TG: variants seen among roughly 807,000 people sequenced by gnomAD.
The protein encoded by TG is thyroglobulin.
TG carries 270 observed loss-of-function variants against 324.7 expected under a neutral mutation model. The ratio of observed to expected loss-of-function variants is 0.83; its 90% confidence interval spans 0.75 to 0.92. The LOEUF is 0.92. Ranked by LOEUF, TG falls within the 40% of genes least tolerant of loss-of-function variation. The pLI is 0.00. For missense variants in TG, 3,591 were observed against 3,456.4 expected (o/e 1.04, Z -0.98); for synonymous variants, 1,401 against 1,327.0 (o/e 1.06, Z -1.21).
At position 132,964,670 on chromosome 8, in the gene TG, C is replaced by T. The variant is rs185541203; in HGVS notation, c.5548+1596C>T. On this transcript the variant is annotated intron_variant, in intron 29 of 47. Transcript: ENST00000220616. ...GGAAATGGCTTAATCTAATACGGCA[C>T]GTAAACCAGGTATAAGATGAAGTGG... The T allele has an allele frequency of 2.0e-3, 1,083 of 550,152 alleles. 4 individuals are homozygous for T. Among genetic ancestry groups the T allele is most frequent in the Admixed American group, 3.8e-3 (117 of 31,178 alleles). 34.1% of individuals were successfully genotyped at this position (550,152 alleles called of 1,614,324 possible).
chr8:133,048,953 A>G, intron 41 of TG: 1 of 327,474 alleles, frequency 3.1e-6, no homozygotes, highest in South Asian at 2.4e-5. Flanking sequence ...TGAAGAAGTA[A>G]CTTAGTGTTT....
rs548331780 is a variant in TG, at chr8:132,982,930, A to G, written c.6200-420A>G. On this transcript the variant is annotated intron_variant, in intron 34 of 47. Coordinates refer to ENST00000220616, the MANE Select transcript of TG (RefSeq NM_003235.5). The stretch of plus-strand genomic sequence containing the variant: ...TGATCTCATAACCTAACTTTGGTCA[A>G]TGTCATGAGAAAAGAAATGATGTGT... Among the ~76,000 whole-genome samples, 8 of 152,280 alleles carry G rather than the reference A, an allele frequency of 5.3e-5. No homozygotes were observed. The South Asian group carries it at 1.7e-3, about 32-fold the overall frequency.
chr8:132,978,697 G>C (rs1020019193), intron 34 of TG, among the ~76,000 whole-genome samples: 1 of 152,164 alleles, frequency 6.6e-6, no homozygotes, highest in Admixed American at 6.5e-5. Flanking sequence ...GGGAAGTGGG[G>C]TGAAGGAGCA....
At chr8:132,909,129 G>A (rs184813373) in intron 18 of TG, among the ~76,000 whole-genome samples, 1 of 152,290 alleles carries the variant, frequency 6.6e-6, no homozygotes, top group African/African-American at 2.4e-5. Flanking sequence ...GAAAGTGACA[G>A]GATGATGGGA....
Position 132,919,388 on chromosome 8 carries a change from A to C in TG, c.4391A>C (p.Glu1464Ala). 6.2e-7 allele frequency: 1 copy of C among 1,613,974 alleles called. No individual in the cohort carries two copies. The highest frequency in any genetic ancestry group is 8.5e-7 in the Non-Finnish European group (1 of 1,179,990). ...QDGLGCVKCP[E>A]GSYSQDEECI... is the part of the protein sequence containing the mutation. ...TGTTTTTTTCTAGTTAAGTGTCCTGAAGGAAGCTATTCCCAAGATGAGGAA... is the reference window on the plus strand; with the variant it reads ...TGTTTTTTTCTAGTTAAGTGTCCTGCAGGAAGCTATTCCCAAGATGAGGAA... Residue 1464 changes from glutamate (E) to alanine (A), a missense_variant, in exon 21 of 48, where the codon GAA becomes GCA. Glu to Ala is a moderately radical substitution (Grantham distance 107). Coordinates refer to ENST00000220616, the MANE Select transcript of TG (RefSeq NM_003235.5).
intron 35 of TG, among the ~76,000 whole-genome samples, chr8:133,010,673 C>T (rs1212269460): frequency 6.6e-6 from 1 of 152,192 alleles, no homozygotes; most frequent in Non-Finnish European, 1.5e-5. Context: ...TTGACCTAGA[C>T]TCACAGTCCT....
At chr8:133,090,992 T>C (rs1847418876) in intron 41 of TG, among the ~76,000 whole-genome samples, 1 of 152,178 alleles carries the variant, frequency 6.6e-6, no homozygotes, top group African/African-American at 2.4e-5. Flanking sequence ...CCCCCAGCTC[T>C]GAGACTCTAG....
chr8:133,031,758 C>T (rs903922709), intron 41 of TG, among the ~76,000 whole-genome samples: 16 of 152,186 alleles, frequency 1.1e-4, no homozygotes, highest in African/African-American at 3.4e-4. Flanking sequence ...CCATCAGCCA[C>T]AGGAGCCTTT....
intron 41 of TG, chr8:133,038,726 T>C: frequency 6.2e-7 from 1 of 1,612,536 alleles, no homozygotes; most frequent in Non-Finnish European, 8.5e-7. Flanking sequence ...TCCCTCGGGG[T>C]CCTCCTGCAG....
chr8:132,985,198 T>G (rs1485512842), intron 35 of TG, among the ~76,000 whole-genome samples: 3 of 152,228 alleles, frequency 2.0e-5, no homozygotes, highest in Non-Finnish European at 2.9e-5. Context: ...TTGCTGTGCG[T>G]CAAGTACTAC....
intron 35 of TG, among the ~76,000 whole-genome samples, chr8:132,988,470 C>T (rs1401063663): frequency 6.6e-6 from 1 of 151,806 alleles, no homozygotes; most frequent in African/African-American, 2.4e-5. Context: ...ACTGCAGATC[C>T]TTGCAGGGCT....
At chr8:132,894,282 C>A (rs988195334) in intron 11 of TG, among the ~76,000 whole-genome samples, 1 of 152,154 alleles carries the variant, frequency 6.6e-6, no homozygotes, top group African/African-American at 2.4e-5. Context: ...TCCAGGGATT[C>A]AGGAACACCA....
At chr8:132,880,851 G>A (rs1302337272) in intron 5 of TG, among the ~76,000 whole-genome samples, 3 of 152,068 alleles carry the variant, frequency 2.0e-5, no homozygotes, top group Non-Finnish European at 4.4e-5. Flanking sequence ...CTCAATCATA[G>A]CATTTTATTA....
chr8:133,075,776 A>G (rs923251404), intron 41 of TG, among the ~76,000 whole-genome samples: 4 of 152,140 alleles, frequency 2.6e-5, no homozygotes, highest in Non-Finnish European at 5.9e-5. Context: ...ATACATCTAC[A>G]TCTATATATC....
chr8:133,008,397 C>T (rs1345997733), intron 35 of TG, among the ~76,000 whole-genome samples: 1 of 151,684 alleles, frequency 6.6e-6, no homozygotes, highest in Non-Finnish European at 1.5e-5. Context: ...AATTCACTTA[C>T]AGATAAGTAC....
intron 28 of TG, among the ~76,000 whole-genome samples, chr8:132,962,551 A>G (rs1241992079): frequency 1.3e-5 from 2 of 152,202 alleles, no homozygotes; most frequent in African/African-American, 2.4e-5. Context: ...ACTCGCTTTC[A>G]TGGAAGACCT....
rs775729175 is a variant in TG at position 132,897,715 on chromosome 8, G to A, written c.3068G>A (p.Arg1023Gln). The change falls in exon 12 of 48, where the codon CGG becomes CAG. Residue 1023 changes from arginine to glutamine, a missense_variant. By Grantham distance (43) the Arg-to-Gln change is conservative (BLOSUM62 1). Coordinates refer to ENST00000220616, the MANE Select transcript of TG (RefSeq NM_003235.5). ...TCGGCTGGAGCATCCGCCCTTCTGC[G>A]GTCGGGCCCCTACATGCCACAGTGT... ...DDSAGASALL[R>Q]SGPYMPQCDA... The A allele has an allele frequency of 4.3e-6, 7 of 1,614,096 alleles. No individual in the cohort carries two copies. The highest frequency in any genetic ancestry group is 2.2e-5 in the East Asian group (1 of 44,892).
At chr8:133,128,334 C>T (rs200656765) in intron 45 of TG, among the ~76,000 whole-genome samples, 14 of 83,852 alleles carry the variant, frequency 1.7e-4, no homozygotes, top group Non-Finnish European at 3.0e-4. Flanking sequence ...AAACAAAAGG[C>T]GTGCACACAC....
At chr8:132,950,134 T>TAACTTATTAAA (rs1171049233) in intron 27 of TG, among the ~76,000 whole-genome samples, 3 of 152,236 alleles carry the variant, frequency 2.0e-5, no homozygotes, top group Non-Finnish European at 2.9e-5. Context: ...ACTGAGAGTC[T>TAACTTATTAAA]GACTTATGAT....
Sources: gnomAD v4.1 joint callset for allele counts (sites outside exome capture counted in the v4.1 genomes callset) on GRCh38, gnomAD v4.1.1 for gene constraint, MANE v1.5 for transcripts, NCBI Gene and HGNC (gene_info 2026-07-23, HGNC 2026-07-21) for gene names.